Variants in CNTNAP2 observed in about 807,000 individuals in gnomAD.
CNTNAP2 encodes the protein contactin-associated protein-like 2.
In CNTNAP2, 98 loss-of-function variants were observed where a neutral mutation model predicts 155.2. The ratio of observed to expected loss-of-function variants is 0.63; its 90% CI spans 0.54 to 0.75. The LOEUF (loss-of-function observed/expected upper bound fraction) is 0.75, where lower values mean the gene tolerates loss of function less well. Ranked by LOEUF, CNTNAP2 falls within the 30% of genes least tolerant of loss-of-function variation. The pLI, the probability that CNTNAP2 is intolerant of heterozygous loss-of-function variation, is 0.00. For missense variants in CNTNAP2, 1,727 were observed against 1,688.1 expected (o/e 1.02, Z -0.40); for synonymous variants, 651 against 631.2 (o/e 1.03, Z -0.47).
chr7:148,167,508 A>T (rs1805691240), intron 17 of CNTNAP2, among the ~76,000 whole-genome samples: 1 of 152,176 alleles, frequency 6.6e-6, no homozygotes, highest in Admixed American at 6.5e-5. Flanking sequence ...GAAAAAAAAA[A>T]GTCAGACATC....
chr7:146,248,314 A>G (rs927676582), intron 1 of CNTNAP2, among the ~76,000 whole-genome samples: 13 of 152,192 alleles, frequency 8.5e-5, no homozygotes, highest in African/African-American at 3.1e-4. Context: ...AGACACGGAG[A>G]GAAGGGGTTG....
chr7:147,686,814 A>C (rs568085765), intron 13 of CNTNAP2, among the ~76,000 whole-genome samples: 21 of 152,078 alleles, frequency 1.4e-4, no homozygotes, highest in African/African-American at 5.1e-4. Flanking sequence ...TTTGCTTAAC[A>C]AAAAAGCAAG....
At chr7:148,003,601 G>T (rs77893193) in intron 15 of CNTNAP2, among the ~76,000 whole-genome samples, 1 of 152,096 alleles carries the variant, frequency 6.6e-6, no homozygotes, top group Non-Finnish European at 1.5e-5. Flanking sequence ...AAATTGAAAA[G>T]ACATTCTATC....
intron 1 of CNTNAP2, among the ~76,000 whole-genome samples, chr7:146,386,199 T>C (rs1035306706): frequency 3.3e-5 from 5 of 152,156 alleles, no homozygotes; most frequent in African/African-American, 1.2e-4. Flanking sequence ...ATTTATTTTC[T>C]ATCCTCCAAC....
At chr7:147,082,982 GTTC>G (rs1266769613) in intron 4 of CNTNAP2, 2 of 152,148 alleles carry the variant, frequency 1.3e-5, no homozygotes, top group African/African-American at 2.4e-5. Flanking sequence ...CTGCCGCCAT[GTTC>G]TTCTCAGGAA....
chr7:146,355,367 C>T (rs143189935), intron 1 of CNTNAP2, among the ~76,000 whole-genome samples: 322 of 152,238 alleles, frequency 2.1e-3, no homozygotes, highest in Middle Eastern at 6.8e-3. Flanking sequence ...TATTTAACAG[C>T]ATGGGGTTCC....
In CNTNAP2 at chr7:147,329,091, A is replaced by G. The variant is rs1039672902; in HGVS notation, c.1498+28801A>G. Among the ~76,000 whole-genome samples the G allele has an allele frequency of 3.3e-5, 5 of 152,010 alleles. No homozygotes were observed. In the South Asian group the frequency reaches 1.0e-3, roughly 31 times the overall value. On this transcript the variant is annotated intron_variant, in intron 9 of 23. Coordinates refer to ENST00000361727, the MANE Select transcript of CNTNAP2 (RefSeq NM_014141.6). ...TAAGACAGAAATGGGATGAGAAAAC[A>G]TGATAGGATTTCCAGTGACTGTTGT...
intron 4 of CNTNAP2, among the ~76,000 whole-genome samples, chr7:147,054,013 A>G (rs1257436993): frequency 1.3e-5 from 2 of 152,144 alleles, no homozygotes; most frequent in Non-Finnish European, 2.9e-5. Flanking sequence ...TAAGCGAATT[A>G]ATCGCAGACC....
intron 13 of CNTNAP2, among the ~76,000 whole-genome samples, chr7:147,654,779 T>A (rs929476157): frequency 6.6e-6 from 1 of 151,278 alleles, no homozygotes; most frequent in African/African-American, 2.4e-5. Context: ...TCACTATCCA[T>A]GGCAGCTATA....
intron 13 of CNTNAP2, among the ~76,000 whole-genome samples, chr7:147,806,954 G>T (rs1252932280): frequency 1.3e-5 from 2 of 152,124 alleles, no homozygotes; most frequent in African/African-American, 4.8e-5. Flanking sequence ...GGTGACTATA[G>T]TTAACAATAA....
intron 9 of CNTNAP2, among the ~76,000 whole-genome samples, chr7:147,333,382 T>C (rs1795609105): frequency 6.6e-6 from 1 of 152,168 alleles, no homozygotes; most frequent in African/African-American, 2.4e-5. Flanking sequence ...GCATAATAAG[T>C]AAGCATTAAA....
At chr7:146,779,432 C>A (rs1201319794) in intron 2 of CNTNAP2, among the ~76,000 whole-genome samples, 3 of 152,176 alleles carry the variant, frequency 2.0e-5, no homozygotes, top group African/African-American at 7.2e-5. Context: ...TGGAACCCAA[C>A]ACTCTTTATA....
intron 13 of CNTNAP2, among the ~76,000 whole-genome samples, chr7:147,819,500 A>T (rs1798328689): frequency 6.6e-6 from 1 of 152,064 alleles, no homozygotes; most frequent in African/African-American, 2.4e-5. Context: ...TTATATTGTT[A>T]TTACTTTATA....
chr7:147,130,663 T>C (rs143260059), intron 7 of CNTNAP2, among the ~76,000 whole-genome samples: 148 of 152,276 alleles, frequency 9.7e-4, no homozygotes, highest in African/African-American at 3.3e-3. Context: ...AGTGTTTATA[T>C]AAGAAATGTA....
At position 147,740,459 on chromosome 7, in the gene CNTNAP2, C is replaced by G. The variant is rs187037563; in HGVS notation, c.2098+101153C>G. Among the ~76,000 whole-genome samples, 2 of 152,028 alleles carry G rather than the reference C, an allele frequency of 1.3e-5. 1 individual carries two copies. Among genetic ancestry groups the G allele is most frequent in the South Asian group, 4.2e-4 (2 of 4,808 alleles). On this transcript the variant is annotated intron_variant, in intron 13 of 23. Transcript: ENST00000361727. ...CCAACAAACCCACTGAGGCTTGGTG[C>G]GAGAAATTACCTCATTAAATAATCT...
chr7:147,513,816 A>G (rs536520698), intron 11 of CNTNAP2, among the ~76,000 whole-genome samples: 14 of 152,364 alleles, frequency 9.2e-5, no homozygotes, highest in Non-Finnish European at 1.5e-4. Flanking sequence ...CCAGAGACGC[A>G]TGCTTCAATC....
chr7:147,722,827 A>G (rs1229278125), intron 13 of CNTNAP2, among the ~76,000 whole-genome samples: 2 of 152,092 alleles, frequency 1.3e-5, no homozygotes, highest in African/African-American at 4.8e-5. Context: ...CTCTCTGGGT[A>G]TCAGTTTCCT....
At chr7:148,213,180 C>T (rs527653196) in intron 18 of CNTNAP2, among the ~76,000 whole-genome samples, 4 of 152,150 alleles carry the variant, frequency 2.6e-5, no homozygotes, top group Non-Finnish European at 5.9e-5. Flanking sequence ...GCATAAGTAT[C>T]ACCTGGGGAC....
intron 23 of CNTNAP2, among the ~76,000 whole-genome samples, chr7:148,410,565 C>CAAAAAAAAAAAAAAAAAAAAAAAAAAAA (rs56258191): frequency 8.9e-6 from 1 of 112,872 alleles, no homozygotes; most frequent in Non-Finnish European, 1.7e-5. Context: ...AGACCTTTCT[C>CAAAAAAAAAAAAAAAAAAAAAAAAAAAA]AAAAAAAAAA....
Sources: allele counts gnomAD v4.1 joint callset (sites outside exome capture counted in the v4.1 genomes callset), GRCh38; gene constraint gnomAD v4.1.1; transcripts MANE v1.5; gene names NCBI Gene and HGNC (gene_info 2026-07-23, HGNC 2026-07-21).